Variants in NDUFC1 observed in about 807,000 individuals in gnomAD.
NDUFC1 encodes NADH:ubiquinone oxidoreductase subunit C1, also known as NADH dehydrogenase [ubiquinone] 1 subunit C1, mitochondrial.
Under a neutral mutation model 11.6 loss-of-function variants are expected in NDUFC1, and 11 were observed. The observed-to-expected ratio is 0.95, with a 90% CI of 0.60 to 1.58. NDUFC1 has a LOEUF of 1.58. NDUFC1 is among the 40% of genes most tolerant of loss of function. The pLI is 0.00. For synonymous variants in NDUFC1, 52 were observed against 42.2 expected (o/e 1.23, Z -0.90); for missense variants, 112 against 93.0 (o/e 1.20, Z -0.84).
intron 5 of NDUFC1, among the ~76,000 whole-genome samples, 190 bp downstream of exon 5, chr4:139,292,340 T>TCCCCCCC (rs933211360): frequency 1.3e-5 from 2 of 148,946 alleles, no homozygotes; most frequent in African/African-American, 5.0e-5. Context: ...AAAAACCCCA[T>TCCCCCCC]CCCCCCCAAA....
intron 1 of NDUFC1, among the ~76,000 whole-genome samples, chr4:139,299,604 C>T (rs6536049): frequency 0.062 from 9,430 of 152,124 alleles, 959 homozygotes; most frequent in African/African-American, 0.21. Flanking sequence ...TTGTGGTGAT[C>T]AGAGTAAATA....
chr4:139,299,114 C>T (rs1410363616), intron 1 of NDUFC1, among the ~76,000 whole-genome samples: 1 of 151,970 alleles, frequency 6.6e-6, no homozygotes, highest in Non-Finnish European at 1.5e-5. Context: ...GGGTTACAGG[C>T]ACGCACCACC....
chr4:139,299,524 G>C (rs931782599), intron 1 of NDUFC1, among the ~76,000 whole-genome samples: 1 of 152,108 alleles, frequency 6.6e-6, no homozygotes, highest in Non-Finnish European at 1.5e-5. Context: ...TATAGCCTTG[G>C]ATATGTTAAC....
intron 5 of NDUFC1, among the ~76,000 whole-genome samples, chr4:139,291,939 C>A (rs1447517494): frequency 6.6e-6 from 1 of 151,872 alleles, no homozygotes. Context: ...CGGGTTCACG[C>A]CATTCTCCTG....
At chr4:139,295,613 C>T (rs1745429378) in intron 3 of NDUFC1, 119 bp downstream of exon 3, 11 of 1,133,098 alleles carry the variant, frequency 9.7e-6, no homozygotes, top group Non-Finnish European at 1.4e-5. Flanking sequence ...GGTCGTCTGC[C>T]GGCGAAGGTC....
chr4:139,301,724 C>A, intron 1 of NDUFC1: 1 of 1,531,392 alleles, frequency 6.5e-7, no homozygotes, highest in Non-Finnish European at 8.8e-7. Context: ...GGCGGTCGGA[C>A]AAACTGACTG....
chr4:139,301,865 G>A (rs1366530553), intron 1 of NDUFC1: 1 of 1,567,362 alleles, frequency 6.4e-7, no homozygotes, highest in East Asian at 2.4e-5. Flanking sequence ...CGGTGGGGAG[G>A]ATTTAGCCGG....
intron 1 of NDUFC1, chr4:139,301,905 C>T: frequency 6.7e-7 from 1 of 1,490,432 alleles, no homozygotes; most frequent in Non-Finnish European, 9.1e-7. Flanking sequence ...TAACCTCGGC[C>T]CGGCGGGCAC....
intron 1 of NDUFC1, chr4:139,302,094 C>T (rs558586202): frequency 1.3e-5 from 5 of 392,944 alleles, no homozygotes; most frequent in East Asian, 1.1e-4. Context: ...GGCTTCTAGA[C>T]TGCCGGTTCT....
At chr4:139,301,856 G>A (rs962018727) in intron 1 of NDUFC1, 2 of 1,577,502 alleles carry the variant, frequency 1.3e-6, no homozygotes, top group East Asian at 2.4e-5. Context: ...CCGGGCAAGC[G>A]GTGGGGAGGA....
chr4:139,301,963 G>A, intron 1 of NDUFC1: 1 of 965,052 alleles, frequency 1.0e-6, no homozygotes, highest in Non-Finnish European at 1.5e-6. Context: ...TCGTCAGGCC[G>A]AATGCATTGC....
At chr4:139,294,187 C>T (rs1262007818) in intron 4 of NDUFC1, among the ~76,000 whole-genome samples, 2 of 151,752 alleles carry the variant, frequency 1.3e-5, no homozygotes, top group African/African-American at 4.8e-5. Flanking sequence ...TCGTGATCCG[C>T]CCACCTTGGC....
chr4:139,291,529 T>C (rs758001740), intron 5 of NDUFC1, among the ~76,000 whole-genome samples: 1 of 151,862 alleles, frequency 6.6e-6, no homozygotes, highest in Non-Finnish European at 1.5e-5. Flanking sequence ...GAGCCAAGAT[T>C]GTGCCACTGC....
At chr4:139,301,703 A>ACGGCAGCGGCGGCGGTC in intron 1 of NDUFC1, 1 of 1,502,560 alleles carries the variant, frequency 6.7e-7, no homozygotes, top group Non-Finnish European at 9.0e-7. Flanking sequence ...CAGCTACGGA[A>ACGGCAGCGGCGGCGGTC]CGGCAGCGGC....
intron 3 of NDUFC1, 47 bp from the exon 4 acceptor site, chr4:139,295,193 G>C (rs973784382): frequency 2.8e-6 from 4 of 1,451,674 alleles, no homozygotes; most frequent in African/African-American, 1.4e-5. Context: ...CTGCCTTGTA[G>C]GGAAAAAACC....
chr4:139,294,591 C>A (rs532032614), intron 4 of NDUFC1, among the ~76,000 whole-genome samples: 2 of 151,764 alleles, frequency 1.3e-5, no homozygotes, highest in South Asian at 2.1e-4. Context: ...AAAAATTAGC[C>A]GGGCGTGGTG....
At chr4:139,301,763 G>C (rs1380586977) in intron 1 of NDUFC1, 3 of 1,565,866 alleles carry the variant, frequency 1.9e-6, no homozygotes, top group Non-Finnish European at 2.6e-6. Flanking sequence ...GGGAGCAGCG[G>C]GAGCAGCCGG....
intron 1 of NDUFC1, among the ~76,000 whole-genome samples, chr4:139,298,438 C>CAA (rs147060181): frequency 9.5e-5 from 8 of 84,250 alleles, no homozygotes; most frequent in Admixed American, 3.0e-4. Context: ...AACTCTGTCT[C>CAA]AAAAAAAAAA....
chr4:139,290,020 T>C lies in NDUFC1; in HGVS notation c.*93A>G, dbSNP rs889111151. 1.8e-4 allele frequency: 27 copies of C among 152,126 alleles called. No homozygotes were observed. The highest frequency in any genetic ancestry group is 1.2e-4 in the African/African-American group (5 of 41,422). 9.4% of individuals were successfully genotyped at this position (152,126 alleles called of 1,614,324 possible). The stretch of plus-strand genomic sequence containing the variant: ...GGCTTGATATATATTCACATATAAC[T>C]TTTTCTCTCACATTTACAACTCAAC... On this transcript the variant is annotated 3_prime_UTR_variant, in exon 6 of 6. Transcript: ENST00000394223.
Sources: gnomAD v4.1 joint callset for allele counts (sites outside exome capture counted in the v4.1 genomes callset) on GRCh38, gnomAD v4.1.1 for gene constraint, MANE v1.5 for transcripts, NCBI Gene and HGNC (gene_info 2026-07-23, HGNC 2026-07-21) for gene names.